HIPK3: variants seen among roughly 807,000 people sequenced by gnomAD.
HIPK3 encodes the protein homeodomain-interacting protein kinase 3.
In HIPK3, 47 loss-of-function variants were observed where a neutral mutation model predicts 124.2. The ratio of observed to expected loss-of-function variants is 0.38; its 90% CI spans 0.30 to 0.48. The LOEUF is 0.48. Ranked by LOEUF, HIPK3 falls within the 20% of genes least tolerant of loss-of-function variation. HIPK3 has a pLI of 0.98. For missense variants in HIPK3, 1,286 were observed against 1,454.3 expected, an observed-to-expected ratio of 0.88 and a Z score of 1.88; for synonymous variants, 482 against 515.2, an observed-to-expected ratio of 0.94 and a Z score of 0.87.
chr11:33,348,337 A>G, intron 12 of HIPK3, 109 bp downstream of exon 12: 1 of 1,090,036 alleles, frequency 9.2e-7, no homozygotes, highest in Non-Finnish European at 1.3e-6. Context: ...ATGTATGTAA[A>G]TGCAGTCTAC....
At chr11:33,258,772 C>T in intron 1 of HIPK3, 1 of 968,512 alleles carries the variant, frequency 1.0e-6, no homozygotes, top group Non-Finnish European at 1.2e-6. Context: ...GCGTAAATTA[C>T]CTTGGACTTG....
At chr11:33,342,599 A>G (rs1853368849) in intron 8 of HIPK3, among the ~76,000 whole-genome samples, 1 of 149,208 alleles carries the variant, frequency 6.7e-6, no homozygotes, top group African/African-American at 2.5e-5. Context: ...GCAGGAGTGC[A>G]ATGGCACTAT....
chr11:33,289,431 T>G (rs1851641124), intron 2 of HIPK3, among the ~76,000 whole-genome samples: 1 of 151,990 alleles, frequency 6.6e-6, no homozygotes, highest in African/African-American at 2.4e-5. Flanking sequence ...AGTGACCGAG[T>G]GAGACCCTCT....
At chr11:33,353,048 T>C (rs1853712561) in intron 16 of HIPK3, 44 bp from the exon 17 acceptor site, 2 of 1,129,004 alleles carry the variant, frequency 1.8e-6, no homozygotes, top group Non-Finnish European at 1.3e-6. Context: ...TTTTATCTTT[T>C]AAGGTATGTT....
intron 2 of HIPK3, among the ~76,000 whole-genome samples, chr11:33,300,037 AAAAAAAAG>A (rs1358620426): frequency 6.6e-6 from 1 of 150,394 alleles, no homozygotes; most frequent in Non-Finnish European, 1.5e-5. Context: ...AAAAAAAAAA[AAAAAAAAG>A]AAAGAAAGAA....
intron 3 of HIPK3, among the ~76,000 whole-genome samples, chr11:33,329,199 C>T (rs1852899405): frequency 6.6e-6 from 1 of 152,112 alleles, no homozygotes; most frequent in South Asian, 2.1e-4. Context: ...ATTAGCCTTT[C>T]TGTACTATTA....
Position 33,349,153 on chromosome 11 carries a change from A to G in HIPK3, c.2673A>G (p.Lys891=), listed in dbSNP as rs1853584738. The change falls in exon 14 of 17, where the codon AAA becomes AAG. Residue 891 remains lysine (K), a synonymous_variant. Transcript: ENST00000303296. Reference sequence around the variant, plus strand: ...CCCTTTTCTCTTCCACTAGATGTAAAGGTAGTCTAGATTGTGAAGCTTGCC... The same window carrying G: ...CCCTTTTCTCTTCCACTAGATGTAAGGGTAGTCTAGATTGTGAAGCTTGCC... ...TSQRHSLREC[K]GSLDCEACQS... The G allele has an allele frequency of 6.2e-7, 1 of 1,613,096 alleles. No homozygotes were observed.
At position 33,347,643 on chromosome 11, in the gene HIPK3, A is replaced by T; in HGVS notation, c.2034A>T (p.Arg678Ser). 6.2e-7 allele frequency: 1 copy of T among 1,614,076 alleles called. No homozygotes were observed. Among genetic ancestry groups the T allele is most frequent in the South Asian group, 1.1e-5 (1 of 91,084 alleles). The change falls in exon 10 of 17, where the codon AGA (arginine) becomes AGT (serine). Residue 678 changes from arginine (R) to serine (S), a missense_variant. By Grantham distance (110) the Arg-to-Ser change is moderately radical. Coordinates refer to ENST00000303296, the MANE Select transcript of HIPK3 (RefSeq NM_005734.5). ...PGVLSQTWSG[R>S]TQQMLVPAWQ... ...GCTGCAAGCAGACGTGGTCTGGTAG[A>T]ACACAGCAGATGCTGGTGCCTGCCT...
chr11:33,283,262 C>T (rs1164822140), intron 1 of HIPK3, among the ~76,000 whole-genome samples: 1 of 152,030 alleles, frequency 6.6e-6, no homozygotes, highest in Non-Finnish European at 1.5e-5. Flanking sequence ...AAGCACTTGC[C>T]ACCACTCCCG....
intron 1 of HIPK3, among the ~76,000 whole-genome samples, chr11:33,261,127 T>A (rs1191716891): frequency 1.7e-4 from 13 of 76,922 alleles, no homozygotes; most frequent in African/African-American, 5.2e-4. Context: ...AAATATATAT[T>A]ATATATAAAA....
chr11:33,351,873 G>A (rs924467107), intron 15 of HIPK3, 30 bp downstream of exon 15: 2 of 1,545,904 alleles, frequency 1.3e-6, no homozygotes. Flanking sequence ...TTCTCTGGTT[G>A]TCCTTTAAAT....
intron 8 of HIPK3, among the ~76,000 whole-genome samples, chr11:33,342,033 G>C (rs1383867164): frequency 4.0e-5 from 6 of 150,264 alleles, no homozygotes; most frequent in Non-Finnish European, 7.4e-5. Flanking sequence ...AAGCTGGAAA[G>C]TGGAGGTTGC....
At chr11:33,293,666 A>G (rs894164470) in intron 2 of HIPK3, among the ~76,000 whole-genome samples, 2 of 152,196 alleles carry the variant, frequency 1.3e-5, no homozygotes, top group African/African-American at 4.8e-5. Flanking sequence ...TTACGTATAC[A>G]TTCATCAGTA....
chr11:33,278,891 T>C (rs1590350253), intron 1 of HIPK3, among the ~76,000 whole-genome samples: 1 of 152,200 alleles, frequency 6.6e-6, no homozygotes, highest in Admixed American at 6.5e-5. Context: ...TTATTTATTT[T>C]TACCGCAATT....
intron 1 of HIPK3, among the ~76,000 whole-genome samples, chr11:33,265,976 C>T (rs575771538): frequency 3.6e-5 from 5 of 139,194 alleles, no homozygotes; most frequent in South Asian, 2.4e-4. Flanking sequence ...CCCAGCTACT[C>T]GGGAGGCTGA....
At chr11:33,347,231 A>G in intron 8 of HIPK3, 62 bp from the exon 9 acceptor site, 1 of 1,460,630 alleles carries the variant, frequency 6.8e-7, no homozygotes, top group Non-Finnish European at 9.3e-7. Flanking sequence ...ATTTAAAATA[A>G]TTGTATAAGT....
At chr11:33,323,444 T>C (rs1264409420) in intron 2 of HIPK3, among the ~76,000 whole-genome samples, 2 of 152,146 alleles carry the variant, frequency 1.3e-5, no homozygotes, top group Non-Finnish European at 2.9e-5. Flanking sequence ...AGTTTTACCA[T>C]GTTGGCCAGG....
At chr11:33,261,533 A>G (rs1371996364) in intron 1 of HIPK3, among the ~76,000 whole-genome samples, 1 of 152,182 alleles carries the variant, frequency 6.6e-6, no homozygotes, top group Non-Finnish European at 1.5e-5. Flanking sequence ...TGTTCCTGCA[A>G]AGGACATGAC....
At position 33,301,290 on chromosome 11, in the gene HIPK3, G is replaced by A. The variant is rs372129808; in HGVS notation, c.1097+13779G>A. ...TTTATTCTTTAGCCTGAGACTTGGA[G>A]TATGTAGTCAAAATACTGTGTTCCA... On this transcript the variant is annotated intron_variant, in intron 2 of 16. Transcript: ENST00000303296. Among the ~76,000 whole-genome samples the A allele has an allele frequency of 1.8e-4, 27 of 152,272 alleles. 1 individual carries two copies. The South Asian group carries it at 5.2e-3, about 29-fold the overall frequency.
Sources: allele counts gnomAD v4.1 joint callset (sites outside exome capture counted in the v4.1 genomes callset), GRCh38; gene constraint gnomAD v4.1.1; transcripts MANE v1.5; gene names NCBI Gene and HGNC (gene_info 2026-07-23, HGNC 2026-07-21).